Variants in FAM120B observed in about 807,000 individuals in gnomAD.
FAM120B encodes constitutive coactivator of peroxisome proliferator-activated receptor gamma.
FAM120B carries 83 observed loss-of-function variants against 96.3 expected under a neutral mutation model. The ratio of observed to expected loss-of-function variants is 0.86; its 90% CI spans 0.72 to 1.03. The LOEUF (loss-of-function observed/expected upper bound fraction) is 1.03, where lower values mean the gene tolerates loss of function less well. Ranked by LOEUF, FAM120B falls within the 50% of genes least tolerant of loss-of-function variation. The probability of loss-of-function intolerance (pLI) is 0.00; values close to 1 mark genes in which losing one functional copy is unlikely to be tolerated. For missense variants in FAM120B, 1,027 were observed against 1,121.2 expected (o/e 0.92, Z 1.20); for synonymous variants, 407 against 402.7 (o/e 1.01, Z -0.13).
intron 6 of FAM120B, 54 bp from the exon 7 acceptor site, chr6:170,388,233 C>G (rs1790300721): frequency 1.3e-6 from 2 of 1,492,570 alleles, no homozygotes; most frequent in African/African-American, 1.4e-5. Context: ...AGATCTGTTT[C>G]CTGCATGTGT....
chr6:170,375,086 G>T (rs1006169183), intron 6 of FAM120B, among the ~76,000 whole-genome samples: 4 of 152,236 alleles, frequency 2.6e-5, no homozygotes, highest in Admixed American at 2.6e-4. Context: ...GAGAGCTGGG[G>T]CTTCCAGTTC....
intron 6 of FAM120B, among the ~76,000 whole-genome samples, chr6:170,376,699 G>T (rs1789541702): frequency 6.6e-6 from 1 of 152,216 alleles, no homozygotes; most frequent in Admixed American, 6.5e-5. Flanking sequence ...TGAGTGGTGA[G>T]GCAGGAGAGA....
At position 170,318,547 on chromosome 6, in the gene FAM120B, G is replaced by A; in HGVS notation, c.1157G>A (p.Arg386Lys). 6.8e-7 allele frequency: 1 copy of A among 1,471,326 alleles called. No homozygotes were observed. Among genetic ancestry groups the A allele is most frequent in the Non-Finnish European group, 9.2e-7 (1 of 1,092,262 alleles). 91.1% of individuals were successfully genotyped at this position (1,471,326 alleles called of 1,614,324 possible). A position where few individuals can be genotyped will look rare whatever the true frequency, so the allele number is the denominator to read the frequency against. ...EVPMCSDPEP[R>K]QEVPTCTGPE... ...CCCATGTGTTCAGACCCTGAACCCA[G>A]GCAAGAAGTTCCCACGTGTACAGGC... The change falls in exon 2 of 11, where the codon AGG (arginine) becomes AAG (lysine). Residue 386 changes from arginine to lysine, a missense_variant. Arg to Lys is a conservative substitution (Grantham distance 26). This residue lies in a region of FAM120B where 880 missense variants were observed against 980.9 expected (regional missense o/e 0.90). Coordinates refer to ENST00000476287, the MANE Select transcript of FAM120B (RefSeq NM_032448.3).
At chr6:170,338,330 G>A (rs1213323455) in intron 4 of FAM120B, among the ~76,000 whole-genome samples, 1 of 152,198 alleles carries the variant, frequency 6.6e-6, no homozygotes, top group Non-Finnish European at 1.5e-5. Flanking sequence ...TTTCCATGTA[G>A]TTGTGCAGTT....
chr6:170,380,219 T>G (rs926543569), intron 6 of FAM120B, among the ~76,000 whole-genome samples: 7 of 152,174 alleles, frequency 4.6e-5, no homozygotes, highest in Non-Finnish European at 1.0e-4. Flanking sequence ...GTATTCCATT[T>G]CGAATATGTA....
intron 6 of FAM120B, among the ~76,000 whole-genome samples, chr6:170,379,524 C>T (rs1789780914): frequency 6.6e-6 from 1 of 152,112 alleles, no homozygotes; most frequent in African/African-American, 2.4e-5. Context: ...CCGAAAAGCT[C>T]CAGTGAGTAT....
intron 4 of FAM120B, among the ~76,000 whole-genome samples, chr6:170,331,728 A>T (rs537472675): frequency 6.6e-6 from 1 of 152,352 alleles, no homozygotes; most frequent in South Asian, 2.1e-4. Context: ...TCAAGAGTTA[A>T]TTTTAAAGGC....
At chr6:170,300,429 C>G (rs1784116622) in intron 1 of FAM120B, among the ~76,000 whole-genome samples, 1 of 152,152 alleles carries the variant, frequency 6.6e-6, no homozygotes, top group African/African-American at 2.4e-5. Flanking sequence ...AACTACAGTT[C>G]AAGATGAGAT....
intron 4 of FAM120B, among the ~76,000 whole-genome samples, chr6:170,332,640 G>A (rs1440262594): frequency 6.6e-6 from 1 of 152,124 alleles, no homozygotes; most frequent in Non-Finnish European, 1.5e-5. Flanking sequence ...GGAGGTTGCA[G>A]TGAGCCGAGA....
intron 5 of FAM120B, among the ~76,000 whole-genome samples, chr6:170,357,056 G>A (rs1787999597): frequency 6.6e-6 from 1 of 152,092 alleles, no homozygotes; most frequent in Admixed American, 6.5e-5. Flanking sequence ...TTATGGTGGG[G>A]TTGTTTTTAT....
intron 9 of FAM120B, among the ~76,000 whole-genome samples, chr6:170,399,584 C>G (rs559053851): frequency 1.3e-5 from 2 of 150,148 alleles, no homozygotes; most frequent in Admixed American, 6.6e-5. Context: ...TATGTCATAA[C>G]CCTTAGGAGT....
chr6:170,312,979 C>T (rs1308220062), intron 1 of FAM120B, among the ~76,000 whole-genome samples: 2 of 152,048 alleles, frequency 1.3e-5, no homozygotes, highest in Non-Finnish European at 2.9e-5. Context: ...TGCTACAAGC[C>T]CCAGATTGAG....
intron 6 of FAM120B, among the ~76,000 whole-genome samples, chr6:170,387,992 C>A (rs953796727): frequency 2.0e-5 from 3 of 152,134 alleles, no homozygotes; most frequent in African/African-American, 7.2e-5. Flanking sequence ...TGCTCACTGC[C>A]TCTGTATGTG....
At chr6:170,315,289 G>C (rs879797935) in intron 1 of FAM120B, among the ~76,000 whole-genome samples, 4 of 152,202 alleles carry the variant, frequency 2.6e-5, no homozygotes. Flanking sequence ...TAGAGCAGTC[G>C]TCTAGAGCTG....
Position 170,358,324 on chromosome 6 carries a change from G to C in FAM120B, c.2283+6G>C, listed in dbSNP as rs772263934. ...CGCAGCTTGTAAATCTACAGGTACA[G>C]ACGTGACCAGTTAGTTGTCACTGCC... On this transcript the variant is annotated splice_donor_region_variant and intron_variant, in intron 6 of 10. Coordinates refer to ENST00000476287, the MANE Select transcript of FAM120B (RefSeq NM_032448.3). 6.3e-7 allele frequency: 1 copy of C among 1,585,924 alleles called. No homozygotes were observed. The highest frequency in any genetic ancestry group is 1.1e-5 in the South Asian group (1 of 89,092).
intron 3 of FAM120B, among the ~76,000 whole-genome samples, chr6:170,324,432 T>A (rs546004603): frequency 5.9e-5 from 9 of 152,334 alleles, no homozygotes; most frequent in Admixed American, 3.3e-4. Context: ...CAAACGATAT[T>A]TAAATCATTT....
chr6:170,320,779 A>G (rs1165640987), intron 2 of FAM120B, among the ~76,000 whole-genome samples: 1 of 152,238 alleles, frequency 6.6e-6, no homozygotes, highest in Non-Finnish European at 1.5e-5. Flanking sequence ...GACTTAAGGA[A>G]CAGTCCACTG....
intron 9 of FAM120B, chr6:170,404,343 A>G (rs750861029): frequency 5.6e-5 from 29 of 518,844 alleles, no homozygotes; most frequent in Non-Finnish European, 8.2e-5. Context: ...TCCTTCCACG[A>G]ACCTCTTAAT....
chr6:170,385,505 G>C (rs1195347410), intron 6 of FAM120B, among the ~76,000 whole-genome samples: 1 of 152,212 alleles, frequency 6.6e-6, no homozygotes, highest in Non-Finnish European at 1.5e-5. Flanking sequence ...ATGGAGAATA[G>C]AGAAAGGTTT....
Sources: allele counts gnomAD v4.1 joint callset (sites outside exome capture counted in the v4.1 genomes callset), GRCh38; gene constraint gnomAD v4.1.1; regional missense constraint gnomAD v4.1.1; transcripts MANE v1.5; gene names NCBI Gene and HGNC (gene_info 2026-07-23, HGNC 2026-07-21).